LDLRAD4: variants seen among roughly 807,000 people sequenced by gnomAD.
LDLRAD4 encodes the protein low density lipoprotein receptor class A domain containing 4, also known as low-density lipoprotein receptor class A domain-containing protein 4.
A neutral mutation model predicts 17.0 loss-of-function variants in LDLRAD4; 5 were observed. The ratio of observed to expected loss-of-function variants is 0.29; its 90% CI spans 0.15 to 0.62. LDLRAD4 has a LOEUF of 0.62. Among genes scored for constraint, LDLRAD4 ranks in the 20% least tolerant of loss-of-function variants. The probability of loss-of-function intolerance (pLI) is 0.84; values close to 1 mark genes in which losing one functional copy is unlikely to be tolerated. For synonymous variants in LDLRAD4, 168 were observed against 171.8 expected (o/e 0.98, Z 0.17); for missense variants, 340 against 424.7 (o/e 0.80, Z 1.75).
exon 6 of LDLRAD4, chr18:13,651,044 C>T (rs1336716820): frequency 2.6e-5 from 4 of 152,220 alleles, no homozygotes; most frequent in East Asian, 1.9e-4. Context: ...TAGTAATGCT[C>T]AGCTGGACCA....
At chr18:13,586,862 TAA>T (rs61241675) in intron 3 of LDLRAD4, among the ~76,000 whole-genome samples, 89 of 104,056 alleles carry the variant, frequency 8.6e-4, no homozygotes, top group Admixed American at 9.6e-4. Flanking sequence ...ACTCTGAATC[TAA>T]AAAAAAAAAA....
intron 3 of LDLRAD4, among the ~76,000 whole-genome samples, chr18:13,496,928 G>A (rs2093481217): frequency 6.6e-6 from 1 of 152,212 alleles, no homozygotes; most frequent in African/African-American, 2.4e-5. Flanking sequence ...ACCTCAGAAT[G>A]AGAACTTCCC....
intron 1 of LDLRAD4, among the ~76,000 whole-genome samples, chr18:13,307,409 T>TCGGG: frequency 6.6e-6 from 1 of 152,266 alleles, no homozygotes; most frequent in East Asian, 1.9e-4. Context: ...ATGATTTTCT[T>TCGGG]TTTTTAATTA....
At chr18:13,314,228 C>G (rs2080811753) in intron 1 of LDLRAD4, among the ~76,000 whole-genome samples, 1 of 151,996 alleles carries the variant, frequency 6.6e-6, no homozygotes, top group Admixed American at 6.6e-5. Context: ...TTCTCAGTTA[C>G]AAAGTGGTAA....
At chr18:13,625,717 C>A (rs1453803089) in intron 4 of LDLRAD4, among the ~76,000 whole-genome samples, 1 of 138,268 alleles carries the variant, frequency 7.2e-6, no homozygotes, top group Non-Finnish European at 1.6e-5. Context: ...GCCTCCTCCC[C>A]CTGCCAGCAC....
At chr18:13,272,005 C>T (rs2044582301) in intron 1 of LDLRAD4, among the ~76,000 whole-genome samples, 1 of 150,718 alleles carries the variant, frequency 6.6e-6, no homozygotes, top group Non-Finnish European at 1.5e-5. Context: ...AAGTGATTCT[C>T]CTGCCTCAGC....
intron 1 of LDLRAD4, among the ~76,000 whole-genome samples, chr18:13,304,907 C>T (rs2046821514): frequency 6.6e-6 from 1 of 152,136 alleles, no homozygotes; most frequent in Non-Finnish European, 1.5e-5. Flanking sequence ...ATGCGTCAGC[C>T]TGCTGACGGA....
intron 3 of LDLRAD4, among the ~76,000 whole-genome samples, chr18:13,467,293 G>T (rs557925910): frequency 6.6e-6 from 1 of 152,348 alleles, no homozygotes; most frequent in African/African-American, 2.4e-5. Context: ...GATGAATTCA[G>T]CAGAATTGCT....
intron 1 of LDLRAD4, among the ~76,000 whole-genome samples, chr18:13,380,227 T>A (rs956146461): frequency 2.0e-5 from 3 of 152,224 alleles, no homozygotes; most frequent in African/African-American, 4.8e-5. Flanking sequence ...GTGGGTGCTG[T>A]GGGAATGGCC....
intron 2 of LDLRAD4, among the ~76,000 whole-genome samples, chr18:13,412,755 C>T (rs1215259722): frequency 2.0e-5 from 3 of 152,078 alleles, no homozygotes; most frequent in Non-Finnish European, 2.9e-5. Context: ...TTTTTGAAGC[C>T]CCAGTGTCTT....
intron 3 of LDLRAD4, among the ~76,000 whole-genome samples, chr18:13,491,832 A>AC (rs1266698996): frequency 6.6e-6 from 1 of 152,158 alleles, no homozygotes; most frequent in Non-Finnish European, 1.5e-5. Context: ...TTGGGTCTGC[A>AC]CCACGTCAGG....
At chr18:13,609,435 G>A (rs1440447300) in intron 3 of LDLRAD4, among the ~76,000 whole-genome samples, 3 of 152,166 alleles carry the variant, frequency 2.0e-5, no homozygotes, top group African/African-American at 7.2e-5. Flanking sequence ...CGCTGGGAGA[G>A]GCCCTGTGCC....
intron 1 of LDLRAD4, among the ~76,000 whole-genome samples, chr18:13,332,390 A>G (rs2081908989): frequency 6.6e-6 from 1 of 152,176 alleles, no homozygotes; most frequent in Admixed American, 6.5e-5. Flanking sequence ...TGTTACAATT[A>G]ATGAGCCCAT....
At chr18:13,343,535 A>G (rs967763760) in intron 1 of LDLRAD4, among the ~76,000 whole-genome samples, 7 of 152,192 alleles carry the variant, frequency 4.6e-5, no homozygotes, top group Non-Finnish European at 7.3e-5. Context: ...TAGTGCCACA[A>G]TAAACATACG....
chr18:13,464,072 A>G (rs2092535252), intron 3 of LDLRAD4, among the ~76,000 whole-genome samples: 1 of 152,192 alleles, frequency 6.6e-6, no homozygotes, highest in African/African-American at 2.4e-5. Flanking sequence ...CCCAATTTAG[A>G]GGGTTTTCTT....
intron 3 of LDLRAD4, among the ~76,000 whole-genome samples, chr18:13,610,265 ATTTTTTTTTTTTTTTTTTT>A (rs1157718015): frequency 1.0e-3 from 65 of 62,512 alleles, no homozygotes; most frequent in East Asian, 9.1e-4. Flanking sequence ...CAAAGCCCTA[ATTTTTTTTTTTTTTTTTTT>A]TTTTTTTTTT....
chr18:13,356,311 C>T (rs576451602), intron 1 of LDLRAD4, among the ~76,000 whole-genome samples: 9 of 152,204 alleles, frequency 5.9e-5, no homozygotes, highest in East Asian at 1.9e-4. Context: ...AGCAGGCGCC[C>T]GCAGCTCTTG....
intron 4 of LDLRAD4, among the ~76,000 whole-genome samples, chr18:13,637,884 A>AG (rs1568439682): frequency 6.6e-6 from 1 of 151,750 alleles, no homozygotes; most frequent in East Asian, 1.9e-4. Flanking sequence ...AAAAAAAAAA[A>AG]AAAAGAGAGA....
chr18:13,465,637 A>G (rs890294216), intron 3 of LDLRAD4, among the ~76,000 whole-genome samples: 1 of 152,202 alleles, frequency 6.6e-6, no homozygotes, highest in African/African-American at 2.4e-5. Context: ...TACAAACCAT[A>G]CAACATTTGG....
Sources: allele counts gnomAD v4.1 joint callset (sites outside exome capture counted in the v4.1 genomes callset), GRCh38; gene constraint gnomAD v4.1.1; transcripts MANE v1.5; gene names NCBI Gene and HGNC (gene_info 2026-07-23, HGNC 2026-07-21).